The following LRRC8A variants were observed in gnomAD, a reference collection of about 807,000 sequenced individuals.
LRRC8A encodes the protein volume-regulated anion channel subunit LRRC8A.
Under a neutral mutation model 52.5 loss-of-function variants are expected in LRRC8A, and 24 were observed. That is an observed-to-expected ratio of 0.46 (90% CI 0.33 to 0.64). LRRC8A has a LOEUF of 0.64. Ranked by LOEUF, LRRC8A falls within the 30% of genes least tolerant of loss-of-function variation. The pLI is 0.02. For missense variants in LRRC8A, 677 were observed against 1,094.7 expected (o/e 0.62, Z 5.38); for synonymous variants, 492 against 494.2 (o/e 1.00, Z 0.06).
intron 2 of LRRC8A, among the ~76,000 whole-genome samples, chr9:128,906,316 A>ATTTTTTTTTTTTTTTTTTTTTTTTTTTT (rs71383620): frequency 1.3e-5 from 1 of 79,272 alleles, no homozygotes; most frequent in Non-Finnish European, 2.3e-5. Flanking sequence ...CCCATGTGGA[A>ATTTTTTTTTTTTTTTTTTTTTTTTTTTT]TTTTTTTTTT....
Position 128,908,754 on chromosome 9 carries a change from G to A in LRRC8A, c.1590G>A (p.Glu530=). Residue 530 remains glutamate (E), a synonymous_variant, in exon 3 of 4, where the codon GAG becomes GAA. Transcript: ENST00000372600. The stretch of plus-strand genomic sequence containing the variant: ...ACCTGACGGGCAACCTGAGCGCGGA[G>A]AACAACCGCTACATCGTCATCGACG... ...ELHLTGNLSA[E]NNRYIVIDGL... The A allele has an allele frequency of 1.2e-6, 2 of 1,613,268 alleles. No individual in the cohort carries two copies. Among genetic ancestry groups the A allele is most frequent in the Non-Finnish European group, 1.7e-6 (2 of 1,180,044 alleles).
In LRRC8A at chr9:128,916,574, T is replaced by G. The variant is rs146478409; in HGVS notation, c.*203T>G. The G allele has an allele frequency of 3.1e-3, 1,952 of 639,586 alleles. 3 individuals are homozygous for G. The highest frequency in any genetic ancestry group is 6.8e-3 in the Admixed American group (228 of 33,526). The allele number at this position is 639,586 out of a possible 1,614,324, so 39.6% of individuals were successfully genotyped here. A position where few individuals can be genotyped will look rare whatever the true frequency, so the allele number is the denominator to read the frequency against. On this transcript the variant is annotated 3_prime_UTR_variant, in exon 4 of 4. Transcript: ENST00000372600. The surrounding 1 kb of genome is among the most constrained non-coding windows in gnomAD (Gnocchi z 6.1). Reference sequence around the variant, plus strand: ...CCCTTTTCTCCCTCTGAGACTCACGTCCCCCAGGGCAAGTGCTTGTGGAGG... The same window carrying G: ...CCCTTTTCTCCCTCTGAGACTCACGGCCCCCAGGGCAAGTGCTTGTGGAGG...
At position 128,907,567 on chromosome 9, in the gene LRRC8A, A is replaced by G; in HGVS notation, c.403A>G (p.Ile135Val). 6.2e-7 allele frequency: 1 copy of G among 1,614,146 alleles called. No individual in the cohort carries two copies. Among genetic ancestry groups the G allele is most frequent in the Admixed American group, 1.7e-5 (1 of 60,026 alleles). The change falls in exon 3 of 4, where the codon ATC becomes GTC. Residue 135 changes from isoleucine (I) to valine (V), a missense_variant. Physicochemically the swap from Ile to Val is conservative, Grantham distance 29. Transcript: ENST00000372600. The surrounding 1 kb of genome is among the most constrained non-coding windows in gnomAD (Gnocchi z 9.3). ...FPYLVLLHTL[I>V]FLACSNFWFK... ...CTACCTGGTGCTTCTGCACACGCTCATCTTCCTGGCCTGCAGCAACTTCTG... is the reference window on the plus strand; with the variant it reads ...CTACCTGGTGCTTCTGCACACGCTCGTCTTCCTGGCCTGCAGCAACTTCTG...
At chr9:128,906,674 A>G (rs1275658562) in intron 2 of LRRC8A, among the ~76,000 whole-genome samples, 1 of 152,076 alleles carries the variant, frequency 6.6e-6, no homozygotes, top group Non-Finnish European at 1.5e-5. Flanking sequence ...CCCCCTCTGC[A>G]TGTTGCTTTC....
At chr9:128,886,325 G>A (rs1839393629) in intron 2 of LRRC8A, among the ~76,000 whole-genome samples, 1 of 152,222 alleles carries the variant, frequency 6.6e-6, no homozygotes, top group Non-Finnish European at 1.5e-5. Context: ...CTCATTGAAT[G>A]CTGAGTTGTT....
intron 2 of LRRC8A, among the ~76,000 whole-genome samples, chr9:128,887,653 CT>C (rs566870422): frequency 4.9e-4 from 72 of 147,962 alleles, no homozygotes; most frequent in East Asian, 1.2e-3. Context: ...CCCCGGACCT[CT>C]TTTTTTTTTG....
In LRRC8A at chr9:128,908,596, C is replaced by T. The variant is rs1303696267; in HGVS notation, c.1432C>T (p.His478Tyr). 6.2e-7 allele frequency: 1 copy of T among 1,612,736 alleles called. No homozygotes were observed. Among genetic ancestry groups the T allele is most frequent in the Non-Finnish European group, 8.5e-7 (1 of 1,179,974 alleles). The stretch of plus-strand genomic sequence containing the variant: ...GGGCCTCAAGGAGCTGTGGCTCTAC[C>T]ACACAGCGGCCAAGATTGAAGCGCC... The part of the protein sequence containing the change: ...LTGLKELWLY[H>Y]TAAKIEAPAL... The change falls in exon 3 of 4, where the codon CAC (histidine) becomes TAC (tyrosine). Residue 478 changes from histidine to tyrosine, a missense_variant. By Grantham distance (83) the His-to-Tyr change is moderately conservative. Around this residue, in one of 4 missense-constraint regions of LRRC8A, gnomAD observed 422 missense variants for 741.5 expected, o/e 0.57. Transcript: ENST00000372600.
At chr9:128,888,708 C>T (rs1249171499) in intron 2 of LRRC8A, among the ~76,000 whole-genome samples, 2 of 152,054 alleles carry the variant, frequency 1.3e-5, no homozygotes, top group African/African-American at 2.4e-5. Flanking sequence ...GGCAGGATCG[C>T]GCTGGGAGTG....
chr9:128,916,515 G>A lies in LRRC8A; in HGVS notation c.*144G>A. On this transcript the variant is annotated 3_prime_UTR_variant, in exon 4 of 4. Coordinates refer to ENST00000372600, the MANE Select transcript of LRRC8A (RefSeq NM_019594.4). The surrounding 1 kb of genome is among the most constrained non-coding windows in gnomAD (Gnocchi z 6.1). ...GAGCCTGGGGCCGCTTGTGAGTCAG[G>A]CCAGAGCGAGAGGACAGTATCTGTG... 1 of 1,038,202 alleles carries A rather than the reference G, an allele frequency of 9.6e-7. No homozygotes were observed. The highest frequency in any genetic ancestry group is 1.4e-6 in the Non-Finnish European group (1 of 736,110). The allele number at this position is 1,038,202 out of a possible 1,614,324, so 64.3% of individuals were successfully genotyped here.
rs1290954425 is a variant in LRRC8A, at chr9:128,899,861, C to G, written c.-8-7296C>G. On this transcript the variant is annotated intron_variant, in intron 2 of 3. Coordinates refer to ENST00000372600, the MANE Select transcript of LRRC8A (RefSeq NM_019594.4). This position sits in a 1 kb window ranked among gnomAD's most constrained non-coding sequence, Gnocchi z 4.0. Reference sequence around the variant, plus strand: ...ATGTGCTTCATGCCACTGAACTACACCCCTGAACATGGGTAAGATGGTACA... The same window carrying G: ...ATGTGCTTCATGCCACTGAACTACAGCCCTGAACATGGGTAAGATGGTACA... Among the ~76,000 whole-genome samples, 1 of 152,150 alleles carries G rather than the reference C, an allele frequency of 6.6e-6. No homozygotes were observed. The highest frequency in any genetic ancestry group is 6.5e-5 in the Admixed American group (1 of 15,270).
At chr9:128,901,276 A>C (rs1210963689) in intron 2 of LRRC8A, among the ~76,000 whole-genome samples, 2 of 152,160 alleles carry the variant, frequency 1.3e-5, no homozygotes, top group Non-Finnish European at 2.9e-5. Context: ...CATCCTGGCC[A>C]ACATAGTGAA....
intron 3 of LRRC8A, among the ~76,000 whole-genome samples, chr9:128,910,770 A>G (rs1840483180): frequency 6.6e-6 from 1 of 152,216 alleles, no homozygotes; most frequent in Non-Finnish European, 1.5e-5. Context: ...GTGGTCCAGC[A>G]GCAGTGAGCC....
intron 3 of LRRC8A, among the ~76,000 whole-genome samples, chr9:128,913,209 G>C (rs1399798824): frequency 6.6e-6 from 1 of 152,140 alleles, no homozygotes; most frequent in Non-Finnish European, 1.5e-5. Context: ...TGGCCAGAGA[G>C]TTAAGGGTGG....
chr9:128,910,855 C>T (rs1403770785), intron 3 of LRRC8A, among the ~76,000 whole-genome samples: 1 of 152,232 alleles, frequency 6.6e-6, no homozygotes, highest in Non-Finnish European at 1.5e-5. Flanking sequence ...CTCCCCTCTG[C>T]AGCCTCCGTG....
Position 128,902,845 on chromosome 9 carries a change from C to T in LRRC8A, c.-8-4312C>T, listed in dbSNP as rs1840080075. On this transcript the variant is annotated intron_variant, in intron 2 of 3. Transcript: ENST00000372600. The surrounding 1 kb of genome is among the most constrained non-coding windows in gnomAD (Gnocchi z 4.1). ...TGCCCTGGCCCGTGAGTCCTGGCAT[C>T]ACTAGGAGGACTGACTTCTGGCCTG... is the stretch of plus-strand genomic sequence containing the variant. 6.6e-6 allele frequency among the ~76,000 whole-genome samples: 1 copy of T among 152,188 alleles called. No individual in the cohort carries two copies. Among genetic ancestry groups the T allele is most frequent in the African/African-American group, 2.4e-5 (1 of 41,448 alleles).
chr9:128,887,646 C>T (rs1012630317), intron 2 of LRRC8A, among the ~76,000 whole-genome samples: 9 of 151,634 alleles, frequency 5.9e-5, no homozygotes, highest in Admixed American at 2.6e-4. Context: ...TGATATCCCC[C>T]GGACCTCTTT....
intron 2 of LRRC8A, among the ~76,000 whole-genome samples, chr9:128,897,826 A>G (rs1388683856): frequency 6.6e-6 from 1 of 152,006 alleles, no homozygotes; most frequent in Non-Finnish European, 1.5e-5. Flanking sequence ...TTACAGGCGT[A>G]CACCTCCGTG....
chr9:128,907,217 G>A lies in LRRC8A; in HGVS notation c.53G>A (p.Arg18Gln). ...TTTGCGGACACGCAGCCAGCATACC[G>A]GATCCTGAAGCCGTGGTGGGATGTG... ...RYFADTQPAY[R>Q]ILKPWWDVFT... Residue 18 changes from arginine to glutamine, a missense_variant, in exon 3 of 4, where the codon CGG becomes CAG. This residue lies in a region of LRRC8A where 32 missense variants were observed against 86.0 expected (regional missense o/e 0.37). Transcript: ENST00000372600. This position sits in a 1 kb window ranked among gnomAD's most constrained non-coding sequence, Gnocchi z 9.3. 1 of 1,613,618 alleles carries A rather than the reference G, an allele frequency of 6.2e-7. No homozygotes were observed. The highest frequency in any genetic ancestry group is 8.5e-7 in the Non-Finnish European group (1 of 1,179,610).
At chr9:128,910,442 G>A (rs1410367705) in intron 3 of LRRC8A, among the ~76,000 whole-genome samples, 1 of 152,190 alleles carries the variant, frequency 6.6e-6, no homozygotes, top group Admixed American at 6.5e-5. Context: ...CCTGTAATCC[G>A]AGCACTTAGG....
Sources: gnomAD v4.1 joint callset for allele counts (sites outside exome capture counted in the v4.1 genomes callset) on GRCh38, gnomAD v4.1.1 for gene constraint, gnomAD v4.1.1 regional missense constraint, Gnocchi (gnomAD v3.1) non-coding constraint, MANE v1.5 for transcripts, NCBI Gene and HGNC (gene_info 2026-07-23, HGNC 2026-07-21) for gene names.